The following AKAP6 variants were observed in gnomAD, a reference collection of about 807,000 sequenced individuals.
AKAP6 encodes the protein A-kinase anchor protein 6.
A neutral mutation model predicts 188.5 loss-of-function variants in AKAP6; 58 were observed. The ratio of observed to expected loss-of-function variants is 0.31; its 90% confidence interval spans 0.25 to 0.38. AKAP6 has a LOEUF of 0.38. AKAP6 is among the 10% of genes least tolerant of loss of function. The probability of loss-of-function intolerance (pLI) is 1.00; values close to 1 mark genes in which losing one functional copy is unlikely to be tolerated. For synonymous variants in AKAP6, 989 were observed against 998.6 expected, an observed-to-expected ratio of 0.99 and a Z score of 0.18; for missense variants, 2,710 against 2,740.0, an observed-to-expected ratio of 0.99 and a Z score of 0.24.
intron 7 of AKAP6, among the ~76,000 whole-genome samples, chr14:32,621,854 T>G (rs1886827622): frequency 6.6e-6 from 1 of 152,120 alleles, no homozygotes; most frequent in Non-Finnish European, 1.5e-5. Context: ...ACTGATATCC[T>G]AGGCATACCA....
intron 4 of AKAP6, among the ~76,000 whole-genome samples, chr14:32,559,466 A>G (rs1037523802): frequency 1.3e-5 from 2 of 152,242 alleles, no homozygotes; most frequent in Admixed American, 1.3e-4. Flanking sequence ...AAATAAAAAC[A>G]CATCTTTGGG....
At chr14:32,809,105 T>C (rs1356088346) in intron 12 of AKAP6, among the ~76,000 whole-genome samples, 1 of 152,212 alleles carries the variant, frequency 6.6e-6, no homozygotes, top group Non-Finnish European at 1.5e-5. Context: ...TCTAAGATGC[T>C]CAGTGTACGT....
At chr14:32,635,833 A>G (rs1887461853) in intron 7 of AKAP6, among the ~76,000 whole-genome samples, 1 of 152,152 alleles carries the variant, frequency 6.6e-6, no homozygotes, top group Non-Finnish European at 1.5e-5. Context: ...TATAGGTTAA[A>G]CCAAATAATG....
intron 7 of AKAP6, among the ~76,000 whole-genome samples, chr14:32,633,025 G>A (rs1030859521): frequency 6.6e-6 from 1 of 152,024 alleles, no homozygotes; most frequent in Non-Finnish European, 1.5e-5. Context: ...ATCTAGGATA[G>A]AAAAATCAAG....
chr14:32,786,296 A>ATGTTTTTTGTTTTTTTTTTTTTTTT, intron 12 of AKAP6, among the ~76,000 whole-genome samples: 1 of 93,706 alleles, frequency 1.1e-5, no homozygotes, highest in Non-Finnish European at 2.1e-5. Context: ...CTAAACCTTT[A>ATGTTTTTTGTTTTTTTTTTTTTTTT]TCTTTTTTTT....
intron 7 of AKAP6, among the ~76,000 whole-genome samples, chr14:32,617,813 A>C (rs1886645191): frequency 6.6e-6 from 1 of 152,128 alleles, no homozygotes; most frequent in Admixed American, 6.5e-5. Flanking sequence ...TTTTTAGTAG[A>C]GACAGGGTTT....
At chr14:32,529,196 A>G (rs1882282084) in intron 2 of AKAP6, among the ~76,000 whole-genome samples, 1 of 152,064 alleles carries the variant, frequency 6.6e-6, no homozygotes, top group South Asian at 2.1e-4. Flanking sequence ...ATGTTTTTAG[A>G]TTTATACCTA....
rs113889930 is a variant in AKAP6 at position 32,638,433 on chromosome 14, A to G, written c.2730+37641A>G. On this transcript the variant is annotated intron_variant, in intron 7 of 13. Coordinates refer to ENST00000280979, the MANE Select transcript of AKAP6 (RefSeq NM_004274.5). ...CTCTTCTGCTTCCAGTGTTTTTCCT[A>G]TTTCACCGTGTATTAGCATTTCAGC... Among the ~76,000 whole-genome samples the G allele has an allele frequency of 5.1e-3, 783 of 152,096 alleles. 12 individuals are homozygous for G. Among genetic ancestry groups the G allele is most frequent in the African/African-American group, 0.018 (729 of 41,486 alleles).
At chr14:32,377,258 C>A (rs935393035) in intron 1 of AKAP6, among the ~76,000 whole-genome samples, 3 of 152,308 alleles carry the variant, frequency 2.0e-5, no homozygotes, top group African/African-American at 7.2e-5. Flanking sequence ...CTCGCTCATT[C>A]TAGCTTACTA....
At chr14:32,401,980 T>C (rs1179910870) in intron 1 of AKAP6, 2 of 152,142 alleles carry the variant, frequency 1.3e-5, no homozygotes, top group Non-Finnish European at 2.9e-5. Flanking sequence ...TTTTCCCTCC[T>C]CTTCTGTTTA....
intron 1 of AKAP6, among the ~76,000 whole-genome samples, chr14:32,343,806 C>A (rs1042459871): frequency 1.5e-3 from 206 of 134,824 alleles, no homozygotes; most frequent in Admixed American, 2.6e-3. Flanking sequence ...CTGTAAAGAA[C>A]TGGGGAGACT....
chr14:32,685,860 A>G (rs969605776), intron 8 of AKAP6, among the ~76,000 whole-genome samples: 3 of 152,126 alleles, frequency 2.0e-5, no homozygotes, highest in South Asian at 4.1e-4. Flanking sequence ...TCGTACAACC[A>G]CTATGGAGAA....
At chr14:32,441,770 G>C (rs1890584551) in intron 2 of AKAP6, among the ~76,000 whole-genome samples, 1 of 152,162 alleles carries the variant, frequency 6.6e-6, no homozygotes, top group Non-Finnish European at 1.5e-5. Context: ...TTGTATAGCT[G>C]TGTAATTTTT....
At chr14:32,642,082 A>C (rs539030437) in intron 7 of AKAP6, among the ~76,000 whole-genome samples, 1 of 152,332 alleles carries the variant, frequency 6.6e-6, no homozygotes, top group African/African-American at 2.4e-5. Flanking sequence ...ACAAGATAAA[A>C]GGCTAGTAAT....
chr14:32,531,658 A>G (rs1005492357), intron 2 of AKAP6, among the ~76,000 whole-genome samples: 4 of 152,118 alleles, frequency 2.6e-5, no homozygotes, highest in African/African-American at 9.7e-5. Flanking sequence ...CCCCATCCCC[A>G]GTCTCTAGTA....
At chr14:32,786,296 ATCTTTTTTTTTT>A (rs1328138812) in intron 12 of AKAP6, among the ~76,000 whole-genome samples, 1 of 93,706 alleles carries the variant, frequency 1.1e-5, no homozygotes, top group African/African-American at 4.1e-5. Context: ...CTAAACCTTT[ATCTTTTTTTTTT>A]TTTTTTTTTT....
intron 1 of AKAP6, chr14:32,402,095 G>C (rs1889114107): frequency 6.6e-6 from 1 of 152,190 alleles, no homozygotes; most frequent in Non-Finnish European, 1.5e-5. Context: ...AAGCCACCTT[G>C]GAATAAAAAT....
chr14:32,767,278 T>C (rs145734659), intron 11 of AKAP6, among the ~76,000 whole-genome samples: 1,683 of 152,248 alleles, frequency 0.011, 36 homozygotes, highest in African/African-American at 0.038. Context: ...TGTTATTATG[T>C]GAAGTCACCT....
chr14:32,613,503 CTCATTTCTTTTCT>C (rs1386903171), intron 7 of AKAP6, among the ~76,000 whole-genome samples: 2 of 152,142 alleles, frequency 1.3e-5, no homozygotes, highest in Non-Finnish European at 2.9e-5. Context: ...ACTCCTCTGT[CTCATTTCTTTTCT>C]TCTTTTCTGC....
Sources: gnomAD v4.1 joint callset for allele counts (sites outside exome capture counted in the v4.1 genomes callset) on GRCh38, gnomAD v4.1.1 for gene constraint, MANE v1.5 for transcripts, NCBI Gene and HGNC (gene_info 2026-07-23, HGNC 2026-07-21) for gene names.